MBD5: variants seen among roughly 807,000 people sequenced by gnomAD.
MBD5 encodes the protein methyl-CpG binding domain protein 5.
MBD5 carries 13 observed loss-of-function variants against 117.3 expected under a neutral mutation model. That is an observed-to-expected ratio of 0.11 (90% CI 0.07 to 0.18). The LOEUF (loss-of-function observed/expected upper bound fraction) is 0.18. Ranked by LOEUF, MBD5 falls within the 10% of genes least tolerant of loss-of-function variation. MBD5 has a pLI of 1.00. For synonymous variants in MBD5, 727 were observed against 766.4 expected (o/e 0.95, Z 0.85); for missense variants, 1,879 against 2,093.8 (o/e 0.90, Z 2.00).
chr2:148,161,277 T>C (rs867236861), intron 1 of MBD5, among the ~76,000 whole-genome samples: 1 of 152,262 alleles, frequency 6.6e-6, no homozygotes, highest in Middle Eastern at 3.4e-3. Flanking sequence ...GAGTGGGACA[T>C]TGAGCAAAGT....
At chr2:148,494,388 C>G (rs1681629563) in intron 11 of MBD5, among the ~76,000 whole-genome samples, 1 of 152,096 alleles carries the variant, frequency 6.6e-6, no homozygotes, top group South Asian at 2.1e-4. Flanking sequence ...GTTGAGTGAA[C>G]TTGAAAGTTC....
intron 1 of MBD5, chr2:148,054,965 G>A (rs1184295585): frequency 6.6e-6 from 1 of 152,122 alleles, no homozygotes. Flanking sequence ...ATTTTGCCAG[G>A]TGATGGATGT....
intron 3 of MBD5, among the ~76,000 whole-genome samples, chr2:148,279,458 C>A (rs1406141817): frequency 6.6e-6 from 1 of 152,134 alleles, no homozygotes; most frequent in Non-Finnish European, 1.5e-5. Context: ...GCAAAACCAT[C>A]TGAGTTTCTC....
chr2:148,467,105 C>T (rs1455001266), intron 7 of MBD5, among the ~76,000 whole-genome samples: 1 of 152,128 alleles, frequency 6.6e-6, no homozygotes, highest in Non-Finnish European at 1.5e-5. Context: ...GTAACAGTCT[C>T]ACTGGCATTT....
chr2:148,045,646 A>G (rs990249188), intron 1 of MBD5, among the ~76,000 whole-genome samples: 2 of 152,204 alleles, frequency 1.3e-5, no homozygotes, highest in African/African-American at 2.4e-5. Flanking sequence ...ATCTGACCCC[A>G]TAGTGCTTAT....
intron 2 of MBD5, among the ~76,000 whole-genome samples, chr2:148,227,676 T>C (rs1402387842): frequency 2.6e-5 from 4 of 152,230 alleles, no homozygotes; most frequent in African/African-American, 9.6e-5. Context: ...TTGATGGGGA[T>C]GGCATTGAAT....
intron 8 of MBD5, among the ~76,000 whole-genome samples, chr2:148,480,810 A>G (rs1681125190): frequency 6.6e-6 from 1 of 152,074 alleles, no homozygotes; most frequent in South Asian, 2.1e-4. Flanking sequence ...TATTTCATAA[A>G]TATTTATATA....
At chr2:148,355,788 T>G (rs181714557) in intron 4 of MBD5, among the ~76,000 whole-genome samples, 34 of 152,320 alleles carry the variant, frequency 2.2e-4, no homozygotes, top group Admixed American at 1.8e-3. Context: ...CATATGAAAT[T>G]TAAAGTAGTT....
intron 8 of MBD5, among the ~76,000 whole-genome samples, chr2:148,482,895 C>T (rs1681202546): frequency 6.6e-6 from 1 of 152,006 alleles, no homozygotes; most frequent in Non-Finnish European, 1.5e-5. Context: ...CTCAATAAAA[C>T]GTCTTCAATA....
At chr2:148,311,751 C>A (rs1247740052) in intron 3 of MBD5, among the ~76,000 whole-genome samples, 1 of 152,174 alleles carries the variant, frequency 6.6e-6, no homozygotes, top group Admixed American at 6.5e-5. Context: ...TGTCGATGGA[C>A]TTTACAATTT....
intron 1 of MBD5, among the ~76,000 whole-genome samples, chr2:148,128,805 C>T (rs1419525041): frequency 1.3e-5 from 2 of 152,092 alleles, no homozygotes; most frequent in Non-Finnish European, 2.9e-5. Context: ...TAAGGCTTTA[C>T]TTTTGCCTCC....
chr2:148,058,763 T>C (rs1233166820), intron 1 of MBD5, among the ~76,000 whole-genome samples: 1 of 152,174 alleles, frequency 6.6e-6, no homozygotes, highest in Non-Finnish European at 1.5e-5. Context: ...TGTCTGACTT[T>C]AAAAGATTTG....
chr2:148,217,535 A>G (rs902787700), intron 2 of MBD5, among the ~76,000 whole-genome samples: 19 of 152,150 alleles, frequency 1.2e-4, no homozygotes, highest in African/African-American at 4.1e-4. Flanking sequence ...GACTTACTCT[A>G]TGTCACACTA....
chr2:148,067,679 C>T (rs1450403773), intron 1 of MBD5, among the ~76,000 whole-genome samples: 1 of 152,180 alleles, frequency 6.6e-6, no homozygotes, highest in Non-Finnish European at 1.5e-5. Context: ...TTTCCCTTGT[C>T]TTACATTATC....
At chr2:148,136,182 A>G (rs927800485) in intron 1 of MBD5, among the ~76,000 whole-genome samples, 32 of 152,214 alleles carry the variant, frequency 2.1e-4, no homozygotes, top group Non-Finnish European at 4.1e-4. Flanking sequence ...GTTTAATTTC[A>G]AAGTACAACT....
At chr2:148,333,910 G>T (rs1370187975) in intron 3 of MBD5, among the ~76,000 whole-genome samples, 1 of 152,080 alleles carries the variant, frequency 6.6e-6, no homozygotes, top group East Asian at 1.9e-4. Context: ...TCACACCAAA[G>T]AATGAACTTT....
chr2:148,262,559 A>T (rs1343649945), intron 3 of MBD5, among the ~76,000 whole-genome samples: 4 of 152,184 alleles, frequency 2.6e-5, no homozygotes, highest in Non-Finnish European at 4.4e-5. Context: ...TTATAAAAAA[A>T]CTGAGCCCTG....
chr2:148,311,066 T>C (rs749736088), intron 3 of MBD5, among the ~76,000 whole-genome samples: 4 of 152,182 alleles, frequency 2.6e-5, no homozygotes, highest in Non-Finnish European at 5.9e-5. Flanking sequence ...TTACTTCTAA[T>C]TATGTGGTCA....
At chr2:148,106,145 T>C (rs571013289) in intron 1 of MBD5, among the ~76,000 whole-genome samples, 2 of 152,160 alleles carry the variant, frequency 1.3e-5, no homozygotes, top group Admixed American at 6.5e-5. Flanking sequence ...ATGTCCTTTA[T>C]ATAAGGATAA....
Sources: allele counts gnomAD v4.1 joint callset (sites outside exome capture counted in the v4.1 genomes callset), GRCh38; gene constraint gnomAD v4.1.1; transcripts MANE v1.5; gene names NCBI Gene and HGNC (gene_info 2026-07-23, HGNC 2026-07-21).